Variants in LHX8 observed in about 807,000 individuals in gnomAD.
LHX8 encodes the protein LIM homeobox 8.
A neutral mutation model predicts 40.3 loss-of-function variants in LHX8; 12 were observed. That is an observed-to-expected ratio of 0.30 (90% CI 0.19 to 0.48). The LOEUF (loss-of-function observed/expected upper bound fraction) is 0.48. Among genes scored for constraint, LHX8 ranks in the 20% least tolerant of loss-of-function variants. The pLI is 0.99. For missense variants in LHX8, 344 were observed against 433.7 expected, an observed-to-expected ratio of 0.79 and a Z score of 1.84; for synonymous variants, 179 against 162.0, an observed-to-expected ratio of 1.10 and a Z score of -0.80.
chr1:75,189,365 A>G, the LHX8 span, among the ~76,000 whole-genome samples: 1 of 152,204 alleles, frequency 6.6e-6, no homozygotes, highest in Non-Finnish European at 1.5e-5. Context: ...GATGCAGGTT[A>G]CTAGACCAGC....
the LHX8 span, among the ~76,000 whole-genome samples, chr1:75,172,359 A>C: frequency 6.6e-6 from 1 of 152,196 alleles, no homozygotes; most frequent in Non-Finnish European, 1.5e-5. Flanking sequence ...TTCAAAAGAG[A>C]ATAGGGAAGA....
At chr1:75,143,458 C>G (rs1290677162) in intron 5 of LHX8, 120 bp downstream of exon 5, 1 of 685,638 alleles carries the variant, frequency 1.5e-6, no homozygotes, top group Admixed American at 2.8e-5. Flanking sequence ...TGGTAAAACT[C>G]ATTAAGTACT....
rs1221237650 is a variant in LHX8 at position 75,134,954 on chromosome 1, T to C, written c.-13T>C. On this transcript the variant is annotated splice_region_variant and 5_prime_UTR_variant, in exon 1 of 9. Coordinates refer to ENST00000356261, the MANE Select transcript of LHX8 (RefSeq NM_001256114.2). ...CGAGCCTAAGGCGCTCTCAGGTCCA[T>C]GTGAGTCGTGCTTTTGTTCTATTTG... 3.0e-6 allele frequency: 3 copies of C among 984,686 alleles called. No individual in the cohort carries two copies. The Admixed American group carries it at 1.8e-4, about 61-fold the overall frequency. The allele number at this position is 984,686 out of a possible 1,614,324, so 61.0% of individuals were successfully genotyped here. A position where few individuals can be genotyped will look rare whatever the true frequency, so the allele number is the denominator to read the frequency against.
intron 7 of LHX8, among the ~76,000 whole-genome samples, chr1:75,153,093 GC>G (rs951235227): frequency 6.6e-5 from 10 of 151,380 alleles, no homozygotes; most frequent in African/African-American, 2.4e-4. Context: ...GATAGTTTTG[GC>G]CTTTTTTTTT....
the LHX8 span, among the ~76,000 whole-genome samples, chr1:75,186,189 C>T: frequency 2.6e-5 from 4 of 152,014 alleles, no homozygotes; most frequent in South Asian, 2.1e-4. Flanking sequence ...TAGAAAAAAA[C>T]GATTTTAACA....
the LHX8 span, among the ~76,000 whole-genome samples, chr1:75,190,410 T>C: frequency 4.4e-3 from 663 of 152,284 alleles, 2 homozygotes; most frequent in Non-Finnish European, 7.8e-3. Context: ...CTTGGCTACA[T>C]GTTCATACGT....
the LHX8 span, among the ~76,000 whole-genome samples, chr1:75,197,776 T>A: frequency 2.6e-5 from 4 of 152,314 alleles, no homozygotes; most frequent in Admixed American, 6.5e-5. Flanking sequence ...GGGTTTCCTG[T>A]CTACAACCCA....
intron 8 of LHX8, 25 bp downstream of exon 8, chr1:75,157,101 T>C (rs747101603): frequency 1.9e-6 from 3 of 1,610,694 alleles, no homozygotes; most frequent in Non-Finnish European, 2.5e-6. Context: ...ATTTAACAGC[T>C]GTCTCCCAGG....
intron 3 of LHX8, among the ~76,000 whole-genome samples, chr1:75,139,223 G>C (rs868670476): frequency 6.6e-6 from 1 of 152,116 alleles, no homozygotes; most frequent in Non-Finnish European, 1.5e-5. Flanking sequence ...AGTTTTTCTG[G>C]CTTGGTCCAA....
intron 1 of LHX8, among the ~76,000 whole-genome samples, chr1:75,135,210 G>T (rs1288403377): frequency 6.6e-6 from 1 of 152,218 alleles, no homozygotes; most frequent in East Asian, 1.9e-4. Context: ...CGAGTCACGC[G>T]GTTTGTCTGA....
At chr1:75,179,601 C>T in the LHX8 span, among the ~76,000 whole-genome samples, 1 of 146,270 alleles carries the variant, frequency 6.8e-6, no homozygotes, top group African/African-American at 2.5e-5. Context: ...TGAGATGGGT[C>T]TCCTGAATAC....
At chr1:75,193,462 T>A in the LHX8 span, among the ~76,000 whole-genome samples, 1 of 152,196 alleles carries the variant, frequency 6.6e-6, no homozygotes, top group Admixed American at 6.5e-5. Context: ...ACATTTCTAA[T>A]ATGCTCCCAG....
the LHX8 span, among the ~76,000 whole-genome samples, chr1:75,175,541 G>T: frequency 6.6e-6 from 1 of 152,046 alleles, no homozygotes; most frequent in South Asian, 2.1e-4. Context: ...AATTTGATTT[G>T]CATTTCCCTG....
the LHX8 span, among the ~76,000 whole-genome samples, chr1:75,195,757 T>G: frequency 2.0e-5 from 3 of 151,380 alleles, no homozygotes; most frequent in Non-Finnish European, 2.9e-5. Flanking sequence ...CTCCCCTCTC[T>G]CCCTCTTTCC....
the LHX8 span, among the ~76,000 whole-genome samples, chr1:75,184,252 A>C: frequency 1.3e-5 from 2 of 152,196 alleles, no homozygotes; most frequent in Non-Finnish European, 2.9e-5. Context: ...CCTGAACTCA[A>C]CATTAAACCA....
intron 8 of LHX8, among the ~76,000 whole-genome samples, chr1:75,157,816 AATAG>A (rs1648811530): frequency 6.6e-6 from 1 of 152,192 alleles, no homozygotes; most frequent in African/African-American, 2.4e-5. Flanking sequence ...TTTCCTGGTT[AATAG>A]ATATTTGTGT....
chr1:75,136,840 G>GGT, intron 2 of LHX8, 151 bp downstream of exon 2: 1 of 448,664 alleles, frequency 2.2e-6, no homozygotes. Flanking sequence ...GGTGGGGTGG[G>GGT]AAGCTTAGCT....
chr1:75,173,719 C>T, the LHX8 span, among the ~76,000 whole-genome samples: 1 of 151,954 alleles, frequency 6.6e-6, no homozygotes, highest in South Asian at 2.1e-4. Context: ...TATCCTATCT[C>T]CAAAAATCTA....
chr1:75,145,873 A>G (rs1648447926), intron 6 of LHX8, among the ~76,000 whole-genome samples: 1 of 152,162 alleles, frequency 6.6e-6, no homozygotes, highest in African/African-American at 2.4e-5. Context: ...TAAAAATTGT[A>G]TATCAGAATT....
Sources: gnomAD v4.1 joint callset for allele counts (sites outside exome capture counted in the v4.1 genomes callset) on GRCh38, gnomAD v4.1.1 for gene constraint, MANE v1.5 for transcripts, NCBI Gene and HGNC (gene_info 2026-07-23, HGNC 2026-07-21) for gene names.